SLC1A2: variants seen among roughly 807,000 people sequenced by gnomAD.
SLC1A2 encodes solute carrier family 1 member 2.
In SLC1A2, 15 loss-of-function variants were observed where a neutral mutation model predicts 48.8. The ratio of observed to expected loss-of-function variants is 0.31; its 90% CI spans 0.21 to 0.47. The LOEUF (loss-of-function observed/expected upper bound fraction) is 0.47, where lower values mean the gene tolerates loss of function less well. Among genes scored for constraint, SLC1A2 ranks in the 20% least tolerant of loss-of-function variants. The pLI is 0.99. For synonymous variants in SLC1A2, 279 were observed against 272.6 expected (o/e 1.02, Z -0.23); for missense variants, 502 against 730.5 (o/e 0.69, Z 3.61).
chr11:35,257,367 G>A lies in SLC1A2; in HGVS notation c.*3527C>T, dbSNP rs1365459150. On this transcript the variant is annotated 3_prime_UTR_variant, in exon 11 of 11. Transcript: ENST00000278379. ...GAATATCCAGGCTGACTAGTGGTTC[G>A]AGAGGAGAAAGAAATATTTGTCTTT... 2.6e-5 allele frequency: 4 copies of A among 152,194 alleles called. No homozygotes were observed. Among genetic ancestry groups the A allele is most frequent in the Non-Finnish European group, 5.9e-5 (4 of 68,032 alleles). 9.4% of individuals were successfully genotyped at this position (152,194 alleles called of 1,614,324 possible).
rs1339580632 is a variant in SLC1A2 at position 35,419,357 on chromosome 11, C to T, written c.-391G>A. On this transcript the variant is annotated 5_prime_UTR_variant, in exon 1 of 11. Transcript: ENST00000278379. This position sits in a 1 kb window ranked among gnomAD's most constrained non-coding sequence, Gnocchi z 5.4. ...TTTGCTGCGGGGCTCGCGGGCGCGG[C>T]GAGTGGCGGGAGCAGAGAGTGGTGG... 9.0e-6 allele frequency: 2 copies of T among 222,552 alleles called. No individual in the cohort carries two copies. Among genetic ancestry groups the T allele is most frequent in the African/African-American group, 2.3e-5 (1 of 43,728 alleles). The allele number at this position is 222,552 out of a possible 1,614,324, so 13.8% of individuals were successfully genotyped here.
rs530637096 is a variant in SLC1A2 at position 35,406,963 on chromosome 11, G to C, written c.17+11987C>G. Among the ~76,000 whole-genome samples, 22 of 152,204 alleles carry C rather than the reference G, an allele frequency of 1.4e-4. No homozygotes were observed. In the South Asian group the frequency reaches 4.6e-3, roughly 32 times the overall value. ...AATGCAGAGCCCAAGAGGAGATTGGGATTAAAACTGGGTCCAATAAAATTT... is the reference window on the plus strand; with the variant it reads ...AATGCAGAGCCCAAGAGGAGATTGGCATTAAAACTGGGTCCAATAAAATTT... On this transcript the variant is annotated intron_variant, in intron 1 of 10. Coordinates refer to ENST00000278379, the MANE Select transcript of SLC1A2 (RefSeq NM_004171.4).
intron 9 of SLC1A2, among the ~76,000 whole-genome samples, chr11:35,278,273 GTT>G (rs35889672): frequency 0.024 from 2,166 of 88,688 alleles, 50 homozygotes; most frequent in African/African-American, 0.071. Context: ...GTTTTTTTTT[GTT>G]TTTTTTTTTT....
intron 1 of SLC1A2, among the ~76,000 whole-genome samples, chr11:35,378,072 A>C (rs559823516): frequency 1.3e-5 from 2 of 152,362 alleles, no homozygotes; most frequent in South Asian, 4.1e-4. Context: ...AAGCTCCCAG[A>C]AATCCAAACC....
intron 2 of SLC1A2, 33 bp downstream of exon 2, chr11:35,317,344 G>A (rs758982628): frequency 1.2e-6 from 2 of 1,602,706 alleles, no homozygotes; most frequent in Non-Finnish European, 8.5e-7. Flanking sequence ...CCAGAGAAGA[G>A]GGGGCTGGGG....
At chr11:35,325,125 T>G (rs1412868351) in intron 1 of SLC1A2, among the ~76,000 whole-genome samples, 4 of 152,228 alleles carry the variant, frequency 2.6e-5, no homozygotes, top group African/African-American at 7.2e-5. Flanking sequence ...TGGCATGCAC[T>G]CTGGGTTTTG....
intron 1 of SLC1A2, among the ~76,000 whole-genome samples, chr11:35,347,439 G>A (rs987065720): frequency 6.6e-6 from 1 of 152,164 alleles, no homozygotes; most frequent in African/African-American, 2.4e-5. Context: ...TCATCTCATG[G>A]GCAAAGTCCA....
chr11:35,400,439 C>T (rs1271129503), intron 1 of SLC1A2, among the ~76,000 whole-genome samples: 2 of 152,156 alleles, frequency 1.3e-5, no homozygotes, highest in Admixed American at 1.3e-4. Flanking sequence ...AATGTATTGA[C>T]ATGTGTACAT....
chr11:35,370,255 T>G (rs900200312), intron 1 of SLC1A2, among the ~76,000 whole-genome samples: 3 of 152,188 alleles, frequency 2.0e-5, no homozygotes, highest in African/African-American at 4.8e-5. Context: ...AGGTCAAGCA[T>G]GTGATCCTCT....
At chr11:35,412,749 G>A (rs1306606125) in intron 1 of SLC1A2, among the ~76,000 whole-genome samples, 2 of 152,080 alleles carry the variant, frequency 1.3e-5, no homozygotes, top group African/African-American at 4.8e-5. Flanking sequence ...TAAATTCCAG[G>A]GCCTGCTATA....
rs576842315 is a variant in SLC1A2 at position 35,399,732 on chromosome 11, A to G, written c.17+19218T>C. On this transcript the variant is annotated intron_variant, in intron 1 of 10. Transcript: ENST00000278379. ...GCCCTGAATAAAGTCGGGAGCCACC[A>G]TTTTAGAGAAAGTACTCAGTAGAAG... 2.7e-5 allele frequency: 8 copies of G among 293,320 alleles called. No individual in the cohort carries two copies. In the South Asian group the frequency reaches 5.3e-4, roughly 19 times the overall value. The allele number at this position is 293,320 out of a possible 1,614,324, so 18.2% of individuals were successfully genotyped here.
rs368538238 is a variant in SLC1A2 at position 35,394,259 on chromosome 11, C to T, written c.17+24691G>A. Among the ~76,000 whole-genome samples, 32 of 152,178 alleles carry T rather than the reference C, an allele frequency of 2.1e-4. 1 individual carries two copies. In the South Asian group the frequency reaches 6.7e-3, roughly 32 times the overall value. On this transcript the variant is annotated intron_variant, in intron 1 of 10. Transcript: ENST00000278379. ...TCTGTCTCCCACGTGCCTTCAGCCA[C>T]GTGTGGAGGGATCAAAGACACATCA...
chr11:35,325,964 C>CAAAA (rs35256511), intron 1 of SLC1A2, among the ~76,000 whole-genome samples: 5 of 96,258 alleles, frequency 5.2e-5, no homozygotes, highest in African/African-American at 1.6e-4. Context: ...AATTCTATCT[C>CAAAA]AAAAAAAAAA....
intron 9 of SLC1A2, among the ~76,000 whole-genome samples, chr11:35,267,069 G>A (rs1453138528): frequency 2.0e-5 from 3 of 152,158 alleles, no homozygotes; most frequent in Non-Finnish European, 2.9e-5. Context: ...ATGCTCTTGC[G>A]CCTCTTCTGC....
chr11:35,295,890 C>T (rs1591439843), intron 6 of SLC1A2, among the ~76,000 whole-genome samples: 1 of 152,200 alleles, frequency 6.6e-6, no homozygotes, highest in African/African-American at 2.4e-5. Flanking sequence ...CCACCAGCTT[C>T]CTGTTAACAA....
At position 35,260,698 on chromosome 11, in the gene SLC1A2, A is replaced by G; in HGVS notation, c.*196T>C. 1.8e-6 allele frequency: 1 copy of G among 565,110 alleles called. No individual in the cohort carries two copies. The highest frequency in any genetic ancestry group is 2.9e-5 in the East Asian group (1 of 34,410). The allele number at this position is 565,110 out of a possible 1,614,324, so 35.0% of individuals were successfully genotyped here. A position where few individuals can be genotyped will look rare whatever the true frequency, so the allele number is the denominator to read the frequency against. ...AAGTGAGAAAATTAGACGGTTATAAAGCATTATTTGGCAAAGACACAGCAC... is the reference window on the plus strand; with the variant it reads ...AAGTGAGAAAATTAGACGGTTATAAGGCATTATTTGGCAAAGACACAGCAC... On this transcript the variant is annotated 3_prime_UTR_variant, in exon 11 of 11. Transcript: ENST00000278379.
intron 1 of SLC1A2, among the ~76,000 whole-genome samples, chr11:35,340,002 G>T (rs1590205470): frequency 6.6e-6 from 1 of 152,150 alleles, no homozygotes; most frequent in East Asian, 1.9e-4. Flanking sequence ...ATCCCTCAAT[G>T]ACCCTAAAAT....
chr11:35,300,594 G>C (rs1252373409), intron 6 of SLC1A2, among the ~76,000 whole-genome samples: 7 of 152,170 alleles, frequency 4.6e-5, no homozygotes, highest in Admixed American at 4.6e-4. Flanking sequence ...CCTTGATCTT[G>C]GACTTGCCAG....
intron 4 of SLC1A2, among the ~76,000 whole-genome samples, chr11:35,306,674 C>T (rs1332077947): frequency 6.6e-6 from 1 of 152,156 alleles, no homozygotes; most frequent in Non-Finnish European, 1.5e-5. Flanking sequence ...TACTTCCCTT[C>T]GTCCTTCCCC....
Sources: allele counts gnomAD v4.1 joint callset (sites outside exome capture counted in the v4.1 genomes callset), GRCh38; gene constraint gnomAD v4.1.1; non-coding constraint Gnocchi (gnomAD v3.1); transcripts MANE v1.5; gene names NCBI Gene and HGNC (gene_info 2026-07-23, HGNC 2026-07-21).